The following LINGO2 variants were observed in gnomAD, a reference collection of about 807,000 sequenced individuals.
The protein encoded by LINGO2 is leucine-rich repeat and immunoglobulin-like domain-containing nogo receptor-interacting protein 2.
A neutral mutation model predicts 30.6 loss-of-function variants in LINGO2; 14 were observed. The observed-to-expected ratio is 0.46, with a 90% confidence interval of 0.30 to 0.72. The LOEUF (loss-of-function observed/expected upper bound fraction) is 0.72, where lower values mean the gene tolerates loss of function less well. Among genes scored for constraint, LINGO2 ranks in the 30% least tolerant of loss-of-function variants. LINGO2 has a pLI of 0.07. For missense variants in LINGO2, 729 were observed against 751.7 expected (o/e 0.97, Z 0.35); for synonymous variants, 317 against 288.5 (o/e 1.10, Z -1.00).
At chr9:28,665,609 A>C (rs1828770929) in intron 1 of LINGO2, among the ~76,000 whole-genome samples, 1 of 152,180 alleles carries the variant, frequency 6.6e-6, no homozygotes, top group African/African-American at 2.4e-5. Context: ...GCAAGCATGA[A>C]CTTCCAGCAT....
chr9:28,471,776 A>C (rs578024742), intron 2 of LINGO2, among the ~76,000 whole-genome samples: 2 of 152,314 alleles, frequency 1.3e-5, no homozygotes, highest in Non-Finnish European at 1.5e-5. Flanking sequence ...ACAAGCTTTT[A>C]AGCCACATAA....
chr9:28,028,929 A>G (rs1366075676), intron 4 of LINGO2, among the ~76,000 whole-genome samples: 4 of 152,248 alleles, frequency 2.6e-5, no homozygotes, highest in African/African-American at 9.6e-5. Context: ...AACCAATTTA[A>G]TCTTGGTACA....
At chr9:29,000,509 C>G in the LINGO2 span, among the ~76,000 whole-genome samples, 179 of 151,854 alleles carry the variant, frequency 1.2e-3, 1 homozygote, top group Non-Finnish European at 1.0e-4. Context: ...TATAATTTAT[C>G]CCTACTAAAA....
intron 3 of LINGO2, among the ~76,000 whole-genome samples, chr9:28,337,074 AAAT>A (rs1825614691): frequency 6.7e-6 from 1 of 149,082 alleles, no homozygotes; most frequent in Admixed American, 6.7e-5. Flanking sequence ...CATATTATAA[AAAT>A]AAAATATAAA....
the LINGO2 span, among the ~76,000 whole-genome samples, chr9:28,967,221 A>T: frequency 6.6e-6 from 1 of 152,244 alleles, no homozygotes; most frequent in East Asian, 1.9e-4. Flanking sequence ...TCACACTCAA[A>T]TTTGAGGGCT....
At chr9:28,376,569 G>A (rs914777032) in intron 2 of LINGO2, among the ~76,000 whole-genome samples, 6 of 152,162 alleles carry the variant, frequency 3.9e-5, no homozygotes, top group Admixed American at 1.3e-4. Context: ...CCTTCCACCC[G>A]AGGGAACTGC....
chr9:28,576,693 C>T (rs1414843362), intron 1 of LINGO2, among the ~76,000 whole-genome samples: 1 of 152,026 alleles, frequency 6.6e-6, no homozygotes, highest in Non-Finnish European at 1.5e-5. Flanking sequence ...CACAAGAATA[C>T]TTCATAGTAG....
chr9:29,053,317 C>G, the LINGO2 span, among the ~76,000 whole-genome samples: 1 of 152,098 alleles, frequency 6.6e-6, no homozygotes, highest in Non-Finnish European at 1.5e-5. Flanking sequence ...TGGATAGTTT[C>G]TGTTTGAACT....
At chr9:29,191,498 A>G in the LINGO2 span, among the ~76,000 whole-genome samples, 1 of 152,170 alleles carries the variant, frequency 6.6e-6, no homozygotes, top group Non-Finnish European at 1.5e-5. Flanking sequence ...ATGATTTTAA[A>G]TAACCATTCC....
At chr9:27,940,145 A>G in the LINGO2 span, 1 of 151,784 alleles carries the variant, frequency 6.6e-6, no homozygotes, top group African/African-American at 2.4e-5. Context: ...TATTTTTTAA[A>G]TTTTCTTATT....
chr9:27,978,013 G>C (rs963225409), intron 5 of LINGO2, among the ~76,000 whole-genome samples: 1 of 151,904 alleles, frequency 6.6e-6, no homozygotes, highest in East Asian at 1.9e-4. Flanking sequence ...TGTGTGGCTC[G>C]ACTGCTCTTA....
the LINGO2 span, among the ~76,000 whole-genome samples, chr9:29,198,699 T>C: frequency 6.6e-6 from 1 of 152,118 alleles, no homozygotes; most frequent in Admixed American, 6.6e-5. Context: ...ACAGTCTCCC[T>C]GGGAGAGGCA....
the LINGO2 span, among the ~76,000 whole-genome samples, chr9:29,204,072 G>A: frequency 6.6e-6 from 1 of 152,192 alleles, no homozygotes; most frequent in Non-Finnish European, 1.5e-5. Flanking sequence ...CTAGAAGAAT[G>A]CAGATGATGA....
At chr9:28,315,616 G>A (rs1419787492) in intron 3 of LINGO2, among the ~76,000 whole-genome samples, 3 of 152,064 alleles carry the variant, frequency 2.0e-5, no homozygotes, top group Non-Finnish European at 2.9e-5. Flanking sequence ...AAGAAGGGCT[G>A]GTTAAGTGAA....
At chr9:28,409,173 C>T (rs920039942) in intron 2 of LINGO2, among the ~76,000 whole-genome samples, 2 of 151,934 alleles carry the variant, frequency 1.3e-5, no homozygotes, top group African/African-American at 4.8e-5. Context: ...TTCCTGAGAA[C>T]AAGTGAAAAA....
At chr9:28,627,173 G>A (rs1008568488) in intron 1 of LINGO2, among the ~76,000 whole-genome samples, 2 of 151,898 alleles carry the variant, frequency 1.3e-5, no homozygotes, top group Non-Finnish European at 2.9e-5. Context: ...TAGCTCTGAT[G>A]CAAAGATGAA....
chr9:28,477,683 C>G (rs538990437), intron 1 of LINGO2, among the ~76,000 whole-genome samples: 14 of 152,244 alleles, frequency 9.2e-5, no homozygotes, highest in African/African-American at 3.4e-4. Flanking sequence ...ATCATCTATC[C>G]CTTAGAATAT....
At chr9:28,970,928 C>G in the LINGO2 span, among the ~76,000 whole-genome samples, 78,660 of 151,964 alleles carry the variant, frequency 0.52, 21,499 homozygotes, top group Non-Finnish European at 0.6. Context: ...TGGCATCACT[C>G]GTCCCTAAAG....
At chr9:28,298,353 G>A (rs1397010938) in intron 3 of LINGO2, among the ~76,000 whole-genome samples, 5 of 151,550 alleles carry the variant, frequency 3.3e-5, no homozygotes, top group Non-Finnish European at 7.4e-5. Context: ...TCATTTTTTT[G>A]AGAAACTTAT....
Sources: allele counts gnomAD v4.1 joint callset (sites outside exome capture counted in the v4.1 genomes callset), GRCh38; gene constraint gnomAD v4.1.1; transcripts MANE v1.5; gene names NCBI Gene and HGNC (gene_info 2026-07-23, HGNC 2026-07-21).